WNT3: variants seen among roughly 807,000 people sequenced by gnomAD.
WNT3 encodes Wnt family member 3, also known as proto-oncogene Wnt-3.
A neutral mutation model predicts 34.2 loss-of-function variants in WNT3; 7 were observed. The ratio of observed to expected loss-of-function variants is 0.20; its 90% confidence interval spans 0.12 to 0.38. WNT3 has a LOEUF of 0.38. Among genes scored for constraint, WNT3 ranks in the 10% least tolerant of loss-of-function variants. WNT3 has a pLI of 1.00. For missense variants in WNT3, 267 were observed against 499.8 expected (o/e 0.53, Z 4.44); for synonymous variants, 212 against 211.5 (o/e 1.00, Z -0.02).
At chr17:46,774,588 C>T (rs898549050) in intron 1 of WNT3, among the ~76,000 whole-genome samples, 2 of 152,200 alleles carry the variant, frequency 1.3e-5, no homozygotes, top group African/African-American at 4.8e-5. Context: ...ACAAGTTTAG[C>T]ACAGAGTCAG....
intron 1 of WNT3, among the ~76,000 whole-genome samples, chr17:46,796,999 T>A (rs989796695): frequency 6.6e-6 from 1 of 152,150 alleles, no homozygotes; most frequent in African/African-American, 2.4e-5. Flanking sequence ...CTCGATCCCA[T>A]TTTCCAAATG....
intron 1 of WNT3, among the ~76,000 whole-genome samples, chr17:46,781,569 C>T (rs140113923): frequency 2.6e-5 from 4 of 152,234 alleles, no homozygotes; most frequent in African/African-American, 9.6e-5. Context: ...GAAAGTAGAA[C>T]AGAGGTTGCC....
At chr17:46,815,471 C>A (rs576504041) in intron 1 of WNT3, among the ~76,000 whole-genome samples, 12 of 152,242 alleles carry the variant, frequency 7.9e-5, no homozygotes, top group Admixed American at 7.9e-4. Flanking sequence ...CTGGGGAATG[C>A]ATGAGCTGGG....
Position 46,793,401 on chromosome 17 carries a change from G to A in WNT3, c.81-19492C>T, listed in dbSNP as rs1451675979. On this transcript the variant is annotated intron_variant, in intron 1 of 4. Transcript: ENST00000225512. ...TGCTCAGGTCCTGCTCTGCTGCTCC[G>A]GCCGCTGTTGGGGTTAACATCCCTG... 2.0e-5 allele frequency among the ~76,000 whole-genome samples: 3 copies of A among 151,888 alleles called. No individual in the cohort carries two copies. The East Asian group carries it at 5.8e-4, about 29-fold the overall frequency.
At chr17:46,800,003 CAG>C (rs2084104137) in intron 1 of WNT3, among the ~76,000 whole-genome samples, 3 of 152,254 alleles carry the variant, frequency 2.0e-5, no homozygotes, top group Admixed American at 2.0e-4. Context: ...TGGGAGATCA[CAG>C]AGTGAGGGGA....
At chr17:46,769,222 C>A (rs924963948) in intron 3 of WNT3, among the ~76,000 whole-genome samples, 2 of 149,830 alleles carry the variant, frequency 1.3e-5, no homozygotes, top group African/African-American at 2.5e-5. Context: ...AGGTTGAGGC[C>A]GGAGAATTGC....
chr17:46,774,116 A>G (rs1187351110), intron 1 of WNT3, among the ~76,000 whole-genome samples: 1 of 152,260 alleles, frequency 6.6e-6, no homozygotes, highest in Non-Finnish European at 1.5e-5. Flanking sequence ...CTCTGGCTGC[A>G]TCCAGCTTGC....
intron 1 of WNT3, among the ~76,000 whole-genome samples, chr17:46,780,088 C>T (rs1447254987): frequency 6.6e-6 from 1 of 152,204 alleles, no homozygotes; most frequent in Non-Finnish European, 1.5e-5. Context: ...CATTTTTAAT[C>T]AGTGAATTCA....
chr17:46,802,289 G>A (rs573420772), intron 1 of WNT3, among the ~76,000 whole-genome samples: 3 of 151,958 alleles, frequency 2.0e-5, no homozygotes, highest in East Asian at 1.9e-4. Flanking sequence ...TTATTTTGAC[G>A]GAGTTTGACT....
Position 46,771,953 on chromosome 17 carries a change from C to T in WNT3, c.322+1715G>A, listed in dbSNP as rs1475102239. Reference sequence around the variant, plus strand: ...CGCCGCGCCGCCGCCGCGCCTCGCCCCTTCCGGCCGCCGACCCCGCCGCCC... The same window carrying T: ...CGCCGCGCCGCCGCCGCGCCTCGCCTCTTCCGGCCGCCGACCCCGCCGCCC... On this transcript the variant is annotated intron_variant, in intron 2 of 4. Transcript: ENST00000225512. 2.7e-5 allele frequency among the ~76,000 whole-genome samples: 4 copies of T among 148,604 alleles called. No individual in the cohort carries two copies. In the East Asian group the frequency reaches 5.9e-4, roughly 22 times the overall value.
chr17:46,785,703 C>T (rs552329813), intron 1 of WNT3, among the ~76,000 whole-genome samples: 2 of 152,266 alleles, frequency 1.3e-5, no homozygotes, highest in East Asian at 1.9e-4. Context: ...TCTGGGCAGC[C>T]GTGGGGAGAA....
chr17:46,784,844 C>T (rs927182739), intron 1 of WNT3, among the ~76,000 whole-genome samples: 3 of 149,362 alleles, frequency 2.0e-5, no homozygotes, highest in Non-Finnish European at 3.0e-5. Flanking sequence ...GGCGCGATCT[C>T]GGGTCACTGC....
At chr17:46,804,905 C>T (rs1399991111) in intron 1 of WNT3, among the ~76,000 whole-genome samples, 3 of 149,666 alleles carry the variant, frequency 2.0e-5, no homozygotes, top group African/African-American at 7.5e-5. Flanking sequence ...GGAATAAAAG[C>T]TGCCTCCCCG....
chr17:46,776,175 C>T (rs1018728944), intron 1 of WNT3, among the ~76,000 whole-genome samples: 1 of 152,198 alleles, frequency 6.6e-6, no homozygotes, highest in Non-Finnish European at 1.5e-5. Context: ...CACTATGTGA[C>T]CCTGCCTGCT....
chr17:46,769,221 C>A (rs1432468532), intron 3 of WNT3, among the ~76,000 whole-genome samples: 2 of 151,110 alleles, frequency 1.3e-5, no homozygotes, highest in Non-Finnish European at 2.9e-5. Context: ...GAGGTTGAGG[C>A]CGGAGAATTG....
intron 1 of WNT3, among the ~76,000 whole-genome samples, chr17:46,774,408 C>G (rs900771662): frequency 6.6e-6 from 1 of 152,242 alleles, no homozygotes; most frequent in African/African-American, 2.4e-5. Context: ...CTCTTCCCTG[C>G]GATGGTGCCA....
At chr17:46,794,057 A>T (rs1172891258) in intron 1 of WNT3, among the ~76,000 whole-genome samples, 1 of 152,120 alleles carries the variant, frequency 6.6e-6, no homozygotes, top group African/African-American at 2.4e-5. Flanking sequence ...TCTAACAGGC[A>T]TGTTCATAGG....
rs188268876 is a variant in WNT3 at position 46,791,259 on chromosome 17, G to A, written c.81-17350C>T. On this transcript the variant is annotated intron_variant, in intron 1 of 4. Coordinates refer to ENST00000225512, the MANE Select transcript of WNT3 (RefSeq NM_030753.5). The stretch of plus-strand genomic sequence containing the variant: ...GACAGAGTCTCGCCCTGTCACCCAG[G>A]CTGTAGTGCAGTGGCGTGATCTCAG... Among the ~76,000 whole-genome samples the A allele has an allele frequency of 3.8e-3, 578 of 151,874 alleles. 5 individuals carry two copies. Among genetic ancestry groups the A allele is most frequent in the African/African-American group, 0.014 (562 of 41,378 alleles).
chr17:46,768,487 T>G lies in WNT3; in HGVS notation c.901A>C (p.Asn301His). The G allele has an allele frequency of 6.2e-7, 1 of 1,614,148 alleles. No homozygotes were observed. Among genetic ancestry groups the G allele is most frequent in the Non-Finnish European group, 8.5e-7 (1 of 1,180,032 alleles). Reference sequence around the variant, plus strand: ...CCATCGATGCCGTGGGAGGTGACATTGCAAGTCCGGTCCCTTGTGCCAAAG... The same window carrying G: ...CCATCGATGCCGTGGGAGGTGACATGGCAAGTCCGGTCCCTTGTGCCAAAG... ...GSFGTRDRTC[N>H]VTSHGIDGCD... The change falls in exon 4 of 5, where the codon AAT (asparagine) becomes CAT (histidine). Residue 301 changes from asparagine to histidine, a missense_variant. By Grantham distance (68) the Asn-to-His change is moderately conservative (BLOSUM62 1). This residue lies in a region of WNT3 where 60 missense variants were observed against 82.7 expected (regional missense o/e 0.73). Transcript: ENST00000225512. This position sits in a 1 kb window ranked among gnomAD's most constrained non-coding sequence, Gnocchi z 5.0.
Sources: gnomAD v4.1 joint callset for allele counts (sites outside exome capture counted in the v4.1 genomes callset) on GRCh38, gnomAD v4.1.1 for gene constraint, gnomAD v4.1.1 regional missense constraint, Gnocchi (gnomAD v3.1) non-coding constraint, MANE v1.5 for transcripts, NCBI Gene and HGNC (gene_info 2026-07-23, HGNC 2026-07-21) for gene names.